The following FMNL2 variants were observed in gnomAD, a reference collection of about 807,000 sequenced individuals.
FMNL2 encodes the protein formin like 2, also known as formin-like protein 2.
Under a neutral mutation model 130.2 loss-of-function variants are expected in FMNL2, and 51 were observed. That is an observed-to-expected ratio of 0.39 (90% CI 0.31 to 0.49). The LOEUF (loss-of-function observed/expected upper bound fraction) is 0.49, where lower values mean the gene tolerates loss of function less well. FMNL2 is among the 20% of genes least tolerant of loss of function. The probability of loss-of-function intolerance (pLI) is 0.85; values close to 1 mark genes in which losing one functional copy is unlikely to be tolerated. For missense variants in FMNL2, 977 were observed against 1,316.2 expected (o/e 0.74, Z 3.99); for synonymous variants, 465 against 467.1 (o/e 1.00, Z 0.06).
chr2:152,503,487 A>C (rs1691974120), intron 1 of FMNL2, among the ~76,000 whole-genome samples: 1 of 152,204 alleles, frequency 6.6e-6, no homozygotes, highest in Non-Finnish European at 1.5e-5. Flanking sequence ...AAACTGACTT[A>C]GAGTTCTTGC....
chr2:152,470,018 C>T (rs1689772838), intron 1 of FMNL2, among the ~76,000 whole-genome samples: 1 of 152,180 alleles, frequency 6.6e-6, no homozygotes, highest in African/African-American at 2.4e-5. Flanking sequence ...ATGAATGTCT[C>T]CTTTAAGTGT....
At chr2:152,484,650 T>C (rs908718699) in intron 1 of FMNL2, among the ~76,000 whole-genome samples, 7 of 152,092 alleles carry the variant, frequency 4.6e-5, no homozygotes, top group African/African-American at 1.7e-4. Flanking sequence ...TAGTCCCAGC[T>C]ACTCAGGAGG....
chr2:152,472,190 C>G (rs997265940), intron 1 of FMNL2, among the ~76,000 whole-genome samples: 3 of 152,136 alleles, frequency 2.0e-5, no homozygotes, highest in African/African-American at 7.2e-5. Context: ...CATAATTATC[C>G]TTTATTGAAA....
At chr2:152,376,564 G>A (rs557450028) in intron 1 of FMNL2, among the ~76,000 whole-genome samples, 4 of 152,318 alleles carry the variant, frequency 2.6e-5, no homozygotes, top group East Asian at 3.9e-4. Context: ...GAGAGTTGAA[G>A]CACAGCTGTG....
rs759227440 is a variant in FMNL2 at position 152,558,816 on chromosome 2, G to A, written c.436G>A (p.Ala146Thr). 6 of 1,612,776 alleles carry A rather than the reference G, an allele frequency of 3.7e-6. No individual in the cohort carries two copies. Among genetic ancestry groups the A allele is most frequent in the African/African-American group, 1.3e-5 (1 of 74,852 alleles). The change falls in exon 5 of 26, where the codon GCG becomes ACG. Residue 146 changes from alanine (A) to threonine (T), a missense_variant. This residue lies in a region of FMNL2 where 689 missense variants were observed against 995.9 expected (regional missense o/e 0.69). Coordinates refer to ENST00000288670, the MANE Select transcript of FMNL2 (RefSeq NM_052905.4). ...GGAATATCTCTCATTTGCACAGTAC[G>A]CGGTAACGTAAGTAAAACTTGGCTT... ...LVEYLSFAQY[A>T]VTFDFESVES...
chr2:152,414,021 T>C (rs1342829876), intron 1 of FMNL2, among the ~76,000 whole-genome samples: 2 of 152,250 alleles, frequency 1.3e-5, no homozygotes, highest in Admixed American at 1.3e-4. Flanking sequence ...AATGCATCTG[T>C]TTGCCATAAA....
In FMNL2 at chr2:152,344,082, T is replaced by G. The variant is rs377618383; in HGVS notation, c.117+8362T>G. On this transcript the variant is annotated intron_variant, in intron 1 of 25. Transcript: ENST00000288670. Reference sequence around the variant, plus strand: ...CAGGAGGATTGCTTGAGCCCAGAAGTTTGAGGTTGCAGTGAGCTATGATCA... The same window carrying G: ...CAGGAGGATTGCTTGAGCCCAGAAGGTTGAGGTTGCAGTGAGCTATGATCA... 8.5e-5 allele frequency among the ~76,000 whole-genome samples: 13 copies of G among 152,130 alleles called. No individual in the cohort carries two copies. In the East Asian group the frequency reaches 1.7e-3, roughly 20 times the overall value.
chr2:152,501,329 T>A (rs1691821449), intron 1 of FMNL2, among the ~76,000 whole-genome samples: 1 of 152,252 alleles, frequency 6.6e-6, no homozygotes. Flanking sequence ...AGCTTTTACC[T>A]GCATTCAGTT....
chr2:152,606,992 C>T lies in FMNL2; in HGVS notation c.877-347C>T, dbSNP rs565456010. The stretch of plus-strand genomic sequence containing the variant: ...CCTTTTTACAAAAGGAAGCTATGGT[C>T]GTTTTTTTTTTTTGTTTTTTTTTTT... On this transcript the variant is annotated intron_variant, in intron 9 of 25. Transcript: ENST00000288670. Among the ~76,000 whole-genome samples the T allele has an allele frequency of 2.7e-3, 336 of 125,638 alleles. 2 individuals are homozygous for T. Among genetic ancestry groups the T allele is most frequent in the African/African-American group, 9.0e-3 (305 of 33,994 alleles). 82.4% of individuals were successfully genotyped at this position (125,638 alleles called of 152,430 possible).
rs182986846 is a variant in FMNL2 at position 152,497,228 on chromosome 2, A to G, written c.118-24715A>G. Among the ~76,000 whole-genome samples the G allele has an allele frequency of 1.1e-3, 162 of 152,270 alleles. 3 individuals carry two copies. In the Middle Eastern group the frequency reaches 0.017, roughly 16 times the overall value. On this transcript the variant is annotated intron_variant, in intron 1 of 25. Transcript: ENST00000288670. ...CACAATGTGTTTACTTATTTGTGCAATTCTAAGCTACACACATAGTAGTTT... is the reference window on the plus strand; with the variant it reads ...CACAATGTGTTTACTTATTTGTGCAGTTCTAAGCTACACACATAGTAGTTT...
chr2:152,361,760 A>C (rs1023629940), intron 1 of FMNL2, among the ~76,000 whole-genome samples: 1 of 152,150 alleles, frequency 6.6e-6, no homozygotes, highest in African/African-American at 2.4e-5. Flanking sequence ...ATTAACTATC[A>C]CTGTTACCGT....
intron 1 of FMNL2, among the ~76,000 whole-genome samples, chr2:152,418,179 T>C (rs929340671): frequency 3.3e-5 from 5 of 152,162 alleles, no homozygotes; most frequent in African/African-American, 1.2e-4. Flanking sequence ...TAGCAGCTCT[T>C]TTGGAAGAAT....
intron 1 of FMNL2, among the ~76,000 whole-genome samples, chr2:152,470,099 A>G (rs1689777480): frequency 6.6e-6 from 1 of 152,176 alleles, no homozygotes; most frequent in Admixed American, 6.5e-5. Context: ...AAAATTTCAA[A>G]TAGATTTGAA....
chr2:152,480,526 T>C (rs1690446613), intron 1 of FMNL2, among the ~76,000 whole-genome samples: 1 of 147,816 alleles, frequency 6.8e-6, no homozygotes, highest in Admixed American at 6.7e-5. Context: ...TCCTAGATAC[T>C]TGGGAGGCTG....
chr2:152,645,116 C>T lies in FMNL2; in HGVS notation c.3170-2680C>T, dbSNP rs114274494. ...ATTGCCTGCTCTGCAGTGTACTTAC[C>T]CACCAGTGCTTATTAACAGGCTAGA... is the stretch of plus-strand genomic sequence containing the variant. On this transcript the variant is annotated intron_variant, in intron 25 of 25. Transcript: ENST00000288670. 1.5e-3 allele frequency among the ~76,000 whole-genome samples: 226 copies of T among 152,260 alleles called. 2 individuals carry two copies. The highest frequency in any genetic ancestry group is 5.2e-3 in the African/African-American group (216 of 41,540).
intron 1 of FMNL2, among the ~76,000 whole-genome samples, chr2:152,475,455 G>A (rs571338723): frequency 9.9e-5 from 15 of 152,142 alleles, no homozygotes; most frequent in Admixed American, 7.9e-4. Flanking sequence ...TTTCAAAATT[G>A]CTAAAAGAAT....
intron 1 of FMNL2, among the ~76,000 whole-genome samples, chr2:152,502,514 A>C (rs112358541): frequency 0.089 from 13,604 of 152,138 alleles, 932 homozygotes; most frequent in Admixed American, 0.22. Context: ...TGGTGAAACC[A>C]TGTCTCTACT....
intron 13 of FMNL2, among the ~76,000 whole-genome samples, chr2:152,617,731 T>G (rs1346286064): frequency 6.6e-6 from 1 of 152,206 alleles, no homozygotes; most frequent in Non-Finnish European, 1.5e-5. Context: ...TTGGCCTTAG[T>G]ATTGTTTACC....
chr2:152,470,305 G>A (rs1432493431), intron 1 of FMNL2, among the ~76,000 whole-genome samples: 3 of 152,176 alleles, frequency 2.0e-5, no homozygotes, highest in South Asian at 4.1e-4. Context: ...CTCAGGTGAT[G>A]TGTATGTCCC....
Sources: allele counts gnomAD v4.1 joint callset (sites outside exome capture counted in the v4.1 genomes callset), GRCh38; gene constraint gnomAD v4.1.1; regional missense constraint gnomAD v4.1.1; transcripts MANE v1.5; gene names NCBI Gene and HGNC (gene_info 2026-07-23, HGNC 2026-07-21).